The following COL25A1 variants were observed in gnomAD, a reference collection of about 807,000 sequenced individuals.
COL25A1 encodes collagen type XXV alpha 1 chain.
COL25A1 carries 103 observed loss-of-function variants against 128.4 expected under a neutral mutation model. That is an observed-to-expected ratio of 0.80 (90% CI 0.68 to 0.94). The LOEUF (loss-of-function observed/expected upper bound fraction) is 0.94, where lower values mean the gene tolerates loss of function less well. Among genes scored for constraint, COL25A1 ranks in the 40% least tolerant of loss-of-function variants. The pLI is 0.00. For missense variants in COL25A1, 745 were observed against 840.0 expected, an observed-to-expected ratio of 0.89 and a Z score of 1.40; for synonymous variants, 279 against 277.2, an observed-to-expected ratio of 1.01 and a Z score of -0.06.
intron 5 of COL25A1, among the ~76,000 whole-genome samples, chr4:109,019,256 C>T (rs978964012): frequency 6.6e-6 from 1 of 151,488 alleles, no homozygotes; most frequent in African/African-American, 2.4e-5. Context: ...GAGACTGGCT[C>T]TCCTTGCTCC....
At chr4:108,904,259 G>C (rs11098009) in intron 13 of COL25A1, among the ~76,000 whole-genome samples, 69,550 of 151,904 alleles carry the variant, frequency 0.46, 18,620 homozygotes, top group East Asian at 0.93. Context: ...AGACATGACA[G>C]GTGCCTGTGC....
At chr4:109,015,479 C>T (rs1262145628) in intron 5 of COL25A1, among the ~76,000 whole-genome samples, 3 of 152,046 alleles carry the variant, frequency 2.0e-5, no homozygotes, top group African/African-American at 7.3e-5. Flanking sequence ...AAATAAAAAC[C>T]TGAATCTAGT....
At chr4:109,148,549 C>T (rs2126097651) in intron 3 of COL25A1, among the ~76,000 whole-genome samples, 1 of 152,300 alleles carries the variant, frequency 6.6e-6, no homozygotes, top group East Asian at 1.9e-4. Flanking sequence ...AGTCTGTTTC[C>T]TGGTCTCCCT....
At chr4:108,959,235 G>T (rs1219701400) in intron 8 of COL25A1, among the ~76,000 whole-genome samples, 2 of 151,934 alleles carry the variant, frequency 1.3e-5, no homozygotes, top group Non-Finnish European at 2.9e-5. Flanking sequence ...ATAAAGGAAG[G>T]TAAACTCAAT....
intron 3 of COL25A1, among the ~76,000 whole-genome samples, chr4:109,252,964 T>A (rs566181225): frequency 6.6e-6 from 1 of 152,180 alleles, no homozygotes; most frequent in Non-Finnish European, 1.5e-5. Context: ...GAGAAAGAAG[T>A]CAAGGCAGCA....
intron 3 of COL25A1, among the ~76,000 whole-genome samples, chr4:109,084,778 G>A (rs552457671): frequency 7.0e-4 from 107 of 152,252 alleles, no homozygotes; most frequent in African/African-American, 2.5e-3. Context: ...TTTCACATCT[G>A]AGAGCTACCT....
At chr4:108,983,865 G>A (rs1001280017) in intron 6 of COL25A1, among the ~76,000 whole-genome samples, 1 of 152,148 alleles carries the variant, frequency 6.6e-6, no homozygotes, top group Non-Finnish European at 1.5e-5. Context: ...CCCGAAGAGT[G>A]AGCAGCAGCA....
intron 3 of COL25A1, among the ~76,000 whole-genome samples, chr4:109,216,051 C>A (rs1777953815): frequency 6.6e-6 from 1 of 152,094 alleles, no homozygotes; most frequent in Non-Finnish European, 1.5e-5. Flanking sequence ...GCCCCCATAT[C>A]TCTTGATCCT....
intron 3 of COL25A1, among the ~76,000 whole-genome samples, chr4:109,123,388 A>G (rs1768287346): frequency 6.6e-6 from 1 of 152,086 alleles, no homozygotes; most frequent in South Asian, 2.1e-4. Flanking sequence ...ATTCTATTAA[A>G]TATGTCCTCC....
At chr4:109,003,386 A>G (rs1020341507) in intron 6 of COL25A1, among the ~76,000 whole-genome samples, 9 of 152,404 alleles carry the variant, frequency 5.9e-5, no homozygotes, top group Admixed American at 5.2e-4. Context: ...ATAGGGGCTA[A>G]ATAATACTTG....
intron 3 of COL25A1, among the ~76,000 whole-genome samples, chr4:109,086,293 T>C (rs1560665495): frequency 1.3e-5 from 2 of 152,144 alleles, no homozygotes; most frequent in South Asian, 4.1e-4. Context: ...TCAAAAACAT[T>C]CTGGTACCAA....
intron 15 of COL25A1, among the ~76,000 whole-genome samples, chr4:108,898,599 T>C (rs1458694906): frequency 6.6e-6 from 1 of 152,182 alleles, no homozygotes; most frequent in African/African-American, 2.4e-5. Context: ...TTTTGGTTTT[T>C]ATGGGAATTC....
chr4:109,007,896 A>T (rs994972024), intron 6 of COL25A1, among the ~76,000 whole-genome samples: 1 of 152,070 alleles, frequency 6.6e-6, no homozygotes, highest in African/African-American at 2.4e-5. Context: ...CTGGTTTATG[A>T]TCTTTCTTCT....
intron 5 of COL25A1, among the ~76,000 whole-genome samples, chr4:109,040,321 C>T (rs1434026455): frequency 3.3e-5 from 5 of 152,118 alleles, no homozygotes; most frequent in Non-Finnish European, 7.4e-5. Flanking sequence ...GCAGAAGCCA[C>T]CCTTTGTATA....
chr4:109,181,281 C>T (rs996615934), intron 3 of COL25A1, among the ~76,000 whole-genome samples: 6 of 152,074 alleles, frequency 3.9e-5, no homozygotes, highest in African/African-American at 1.2e-4. Flanking sequence ...TTCACTTACA[C>T]GTATCTTTTA....
intron 3 of COL25A1, among the ~76,000 whole-genome samples, chr4:109,278,206 C>T (rs1723034807): frequency 6.6e-6 from 1 of 152,058 alleles, no homozygotes. Flanking sequence ...GGTCACCTCT[C>T]TACAGCACAG....
intron 3 of COL25A1, among the ~76,000 whole-genome samples, chr4:109,187,632 A>G (rs1775261790): frequency 6.6e-6 from 1 of 152,024 alleles, no homozygotes; most frequent in African/African-American, 2.4e-5. Flanking sequence ...TGAAGCTAAT[A>G]GACAGTTTTG....
intron 3 of COL25A1, among the ~76,000 whole-genome samples, chr4:109,162,809 C>A (rs560167761): frequency 6.6e-6 from 1 of 152,286 alleles, no homozygotes; most frequent in African/African-American, 2.4e-5. Flanking sequence ...AACTGGCATC[C>A]CAGCAGCTGC....
At chr4:109,247,932 A>C (rs1780384227) in intron 3 of COL25A1, among the ~76,000 whole-genome samples, 1 of 152,110 alleles carries the variant, frequency 6.6e-6, no homozygotes, top group Admixed American at 6.5e-5. Flanking sequence ...AAAGAAGAGA[A>C]TCAAGAGAGC....
Sources: allele counts gnomAD v4.1 joint callset (sites outside exome capture counted in the v4.1 genomes callset), GRCh38; gene constraint gnomAD v4.1.1; transcripts MANE v1.5; gene names NCBI Gene and HGNC (gene_info 2026-07-23, HGNC 2026-07-21).